Variants in NEDD4L observed in about 807,000 individuals in gnomAD.
NEDD4L encodes the protein E3 ubiquitin-protein ligase NEDD4-like.
In NEDD4L, 54 loss-of-function variants were observed where a neutral mutation model predicts 148.9. The ratio of observed to expected loss-of-function variants is 0.36; its 90% CI spans 0.29 to 0.45. NEDD4L has a LOEUF of 0.45. Among genes scored for constraint, NEDD4L ranks in the 20% least tolerant of loss-of-function variants. The pLI, the probability that NEDD4L is intolerant of heterozygous loss-of-function variation, is 1.00. For synonymous variants in NEDD4L, 433 were observed against 440.7 expected (o/e 0.98, Z 0.22); for missense variants, 856 against 1,233.8 (o/e 0.69, Z 4.59).
chr18:58,081,902 T>C (rs1440639935), intron 1 of NEDD4L, among the ~76,000 whole-genome samples: 1 of 151,956 alleles, frequency 6.6e-6, no homozygotes, highest in Non-Finnish European at 1.5e-5. Context: ...TCCTAATAGT[T>C]GGTGGTAACT....
chr18:58,331,815 C>T (rs2059813423), intron 11 of NEDD4L, among the ~76,000 whole-genome samples: 1 of 152,090 alleles, frequency 6.6e-6, no homozygotes, highest in Admixed American at 6.5e-5. Context: ...AATGTAAAAG[C>T]AAGTAAGTAC....
intron 5 of NEDD4L, among the ~76,000 whole-genome samples, chr18:58,273,230 T>G (rs533524564): frequency 4.4e-4 from 67 of 152,234 alleles, no homozygotes; most frequent in Non-Finnish European, 7.9e-4. Flanking sequence ...CAGTCATGCA[T>G]CTGATATATA....
chr18:58,328,265 C>CA (rs1160170209), intron 9 of NEDD4L, among the ~76,000 whole-genome samples: 1 of 151,982 alleles, frequency 6.6e-6, no homozygotes, highest in East Asian at 1.9e-4. Context: ...ATGCCCAGCC[C>CA]AAAAAAGTCT....
chr18:58,057,445 G>A (rs576048765), intron 1 of NEDD4L, among the ~76,000 whole-genome samples: 40 of 152,242 alleles, frequency 2.6e-4, no homozygotes, highest in Admixed American at 9.2e-4. Flanking sequence ...TTGGTCAGCC[G>A]GTCTGGCAGC....
At chr18:58,179,922 C>T (rs113196921) in intron 2 of NEDD4L, among the ~76,000 whole-genome samples, 7 of 152,208 alleles carry the variant, frequency 4.6e-5, no homozygotes, top group African/African-American at 1.2e-4. Flanking sequence ...ACTCCTCCAA[C>T]CCCCAAACCA....
intron 1 of NEDD4L, among the ~76,000 whole-genome samples, chr18:58,122,010 A>G (rs552914400): frequency 1.3e-5 from 2 of 152,206 alleles, no homozygotes; most frequent in African/African-American, 2.4e-5. Context: ...AGAAATTTCA[A>G]CTCGTTCTGC....
intron 1 of NEDD4L, among the ~76,000 whole-genome samples, chr18:58,106,455 G>A (rs2085075191): frequency 6.6e-6 from 1 of 152,164 alleles, no homozygotes; most frequent in South Asian, 2.1e-4. Flanking sequence ...AGTCTCCCGA[G>A]TGCTAGGTAC....
intron 5 of NEDD4L, among the ~76,000 whole-genome samples, chr18:58,268,113 C>A (rs952375501): frequency 2.0e-5 from 3 of 152,038 alleles, no homozygotes; most frequent in Admixed American, 6.6e-5. Context: ...TTACCCCAAC[C>A]CCCCAATGGG....
At position 58,330,924 on chromosome 18, in the gene NEDD4L, G is replaced by A. The variant is rs2144705128; in HGVS notation, c.990+10G>A. 6.2e-7 allele frequency: 1 copy of A among 1,611,114 alleles called. No homozygotes were observed. The highest frequency in any genetic ancestry group is 8.5e-7 in the Non-Finnish European group (1 of 1,178,070). On this transcript the variant is annotated intron_variant, in intron 11 of 30. Coordinates refer to ENST00000400345, the MANE Select transcript of NEDD4L (RefSeq NM_001144967.3). ...GTTCAGCTCTTTGATTGTAAGTAGTGGCCTTGTTTGAAAGAAAAGCTGAGC... is the reference window on the plus strand; with the variant it reads ...GTTCAGCTCTTTGATTGTAAGTAGTAGCCTTGTTTGAAAGAAAAGCTGAGC...
At position 58,396,326 on chromosome 18, in the gene NEDD4L, A is replaced by G; in HGVS notation, c.*57A>G. 3 of 1,233,164 alleles carry G rather than the reference A, an allele frequency of 2.4e-6. No individual in the cohort carries two copies. Among genetic ancestry groups the G allele is most frequent in the South Asian group, 1.3e-5 (1 of 78,966 alleles). 76.4% of individuals were successfully genotyped at this position (1,233,164 alleles called of 1,614,324 possible). A position where few individuals can be genotyped will look rare whatever the true frequency, so the allele number is the denominator to read the frequency against. ...AAGCAAGTTCTGCTTGCACTTTTGCATTTGCCTAACAGACTTTTGCAGAGG... is the reference window on the plus strand; with the variant it reads ...AAGCAAGTTCTGCTTGCACTTTTGCGTTTGCCTAACAGACTTTTGCAGAGG... On this transcript the variant is annotated 3_prime_UTR_variant, in exon 31 of 31. Transcript: ENST00000400345.
chr18:58,152,031 G>C (rs2034837753), intron 1 of NEDD4L, among the ~76,000 whole-genome samples: 1 of 151,892 alleles, frequency 6.6e-6, no homozygotes, highest in Admixed American at 6.6e-5. Flanking sequence ...AATTCGATGA[G>C]ATAAAGTGGT....
At chr18:58,185,988 G>A (rs1267037721) in intron 2 of NEDD4L, among the ~76,000 whole-genome samples, 1 of 151,958 alleles carries the variant, frequency 6.6e-6, no homozygotes, top group South Asian at 2.1e-4. Flanking sequence ...ATATGCACAC[G>A]TACAGAGAAG....
intron 1 of NEDD4L, among the ~76,000 whole-genome samples, chr18:58,103,457 G>T (rs1426663596): frequency 6.6e-6 from 1 of 151,962 alleles, no homozygotes; most frequent in Non-Finnish European, 1.5e-5. Context: ...TGCTGCTAGT[G>T]CTTCAGTATA....
chr18:58,213,533 G>T (rs532187533), intron 2 of NEDD4L, among the ~76,000 whole-genome samples: 39 of 152,190 alleles, frequency 2.6e-4, no homozygotes, highest in Non-Finnish European at 2.2e-4. Flanking sequence ...TGAGTGTGGA[G>T]AACAAGATGA....
At chr18:58,118,187 G>C (rs1240601536) in intron 1 of NEDD4L, among the ~76,000 whole-genome samples, 2 of 152,150 alleles carry the variant, frequency 1.3e-5, no homozygotes, top group Non-Finnish European at 2.9e-5. Flanking sequence ...TGCTGTGTCA[G>C]TGAACACACA....
intron 24 of NEDD4L, among the ~76,000 whole-genome samples, chr18:58,379,026 T>G (rs2047966969): frequency 6.6e-6 from 1 of 152,240 alleles, no homozygotes; most frequent in Admixed American, 6.5e-5. Flanking sequence ...GAGCGCCTGC[T>G]GTGGCTGGGC....
intron 3 of NEDD4L, among the ~76,000 whole-genome samples, chr18:58,247,929 GA>G (rs1431404378): frequency 1.3e-5 from 2 of 152,176 alleles, no homozygotes; most frequent in Non-Finnish European, 2.9e-5. Flanking sequence ...GGAAAGTGCT[GA>G]ATTTTTGAAA....
At chr18:58,221,538 A>G in intron 2 of NEDD4L, 1 of 985,290 alleles carries the variant, frequency 1.0e-6, no homozygotes, top group Non-Finnish European at 1.2e-6. Flanking sequence ...GTGAATCATC[A>G]GTATAAGTAG....
At chr18:58,352,277 C>G (rs755299728) in intron 18 of NEDD4L, among the ~76,000 whole-genome samples, 105 of 151,986 alleles carry the variant, frequency 6.9e-4, no homozygotes, top group Non-Finnish European at 1.1e-3. Flanking sequence ...TACTTTTTTC[C>G]TTAATATACT....
Sources: gnomAD v4.1 joint callset for allele counts (sites outside exome capture counted in the v4.1 genomes callset) on GRCh38, gnomAD v4.1.1 for gene constraint, MANE v1.5 for transcripts, NCBI Gene and HGNC (gene_info 2026-07-23, HGNC 2026-07-21) for gene names.